SPATS2: variants seen among roughly 807,000 people sequenced by gnomAD.
SPATS2 encodes spermatogenesis-associated serine-rich protein 2.
In SPATS2, 38 loss-of-function variants were observed where a neutral mutation model predicts 63.7. The ratio of observed to expected loss-of-function variants is 0.60; its 90% confidence interval spans 0.46 to 0.78. The LOEUF (loss-of-function observed/expected upper bound fraction) is 0.78. Among genes scored for constraint, SPATS2 ranks in the 30% least tolerant of loss-of-function variants. The pLI, the probability that SPATS2 is intolerant of heterozygous loss-of-function variation, is 0.00. For missense variants in SPATS2, 588 were observed against 666.2 expected (o/e 0.88, Z 1.29); for synonymous variants, 207 against 232.9 (o/e 0.89, Z 1.01).
At chr12:49,525,006 C>A in intron 13 of SPATS2, 110 bp downstream of exon 13, 1 of 1,106,428 alleles carries the variant, frequency 9.0e-7, no homozygotes, top group Non-Finnish European at 1.3e-6. Flanking sequence ...CATTCCATGC[C>A]TGTTTTGAAT....
chr12:49,433,382 C>T (rs1432848109), intron 2 of SPATS2, among the ~76,000 whole-genome samples: 7 of 152,188 alleles, frequency 4.6e-5, no homozygotes, highest in Admixed American at 1.3e-4. Context: ...AGGCTGGTCT[C>T]GAACTCCTGA....
Position 49,516,193 on chromosome 12 carries a change from ATATATAT to A in SPATS2, c.898+1581_898+1587del, listed in dbSNP as rs1565760939. ...TATATATATATATATATATATATAT[ATATATAT>A]ATATATATAAATCAGGCATGGGGTC... On this transcript the variant is annotated intron_variant, in intron 10 of 13. Transcript: ENST00000552918. Among the ~76,000 whole-genome samples the A allele has an allele frequency of 8.6e-4, 92 of 106,638 alleles. 9 individuals carry two copies. Among genetic ancestry groups the A allele is most frequent in the African/African-American group, 3.0e-3 (85 of 28,692 alleles). The allele number at this position is 106,638 out of a possible 152,430, so 70.0% of individuals were successfully genotyped here.
intron 2 of SPATS2, among the ~76,000 whole-genome samples, chr12:49,402,022 G>T (rs1250940378): frequency 1.3e-5 from 2 of 151,936 alleles, no homozygotes; most frequent in Admixed American, 6.6e-5. Flanking sequence ...TGTCGCCCAG[G>T]CTGGAGTGCA....
intron 2 of SPATS2, among the ~76,000 whole-genome samples, chr12:49,443,290 T>G (rs1435449109): frequency 1.3e-5 from 2 of 152,228 alleles, no homozygotes; most frequent in Non-Finnish European, 2.9e-5. Context: ...TATATTCTTT[T>G]GTATGTGGAT....
intron 10 of SPATS2, 34 bp from the exon 11 acceptor site, chr12:49,519,039 C>T (rs1260227761): frequency 6.5e-7 from 1 of 1,544,896 alleles, no homozygotes; most frequent in Non-Finnish European, 8.9e-7. Context: ...TATTTAGCAG[C>T]AACATAAGGT....
chr12:49,407,756 A>G (rs1373062193), intron 2 of SPATS2, among the ~76,000 whole-genome samples: 1 of 152,132 alleles, frequency 6.6e-6, no homozygotes, highest in Non-Finnish European at 1.5e-5. Flanking sequence ...TTTTATTGCT[A>G]TCTCCCCATA....
rs772072681 is a variant in SPATS2 at position 49,524,824 on chromosome 12, A to G, written c.1254A>G (p.Lys418=). The part of the protein sequence containing the change: ...SPPSLTSANK[K]NFAPGETPAA... ...CCAGCCTTACAAGTGCTAACAAGAA[A>G]AACTTTGCACCGGGAGAGACTCCTG... Residue 418 remains lysine, a synonymous_variant, in exon 13 of 14, where the codon AAA becomes AAG. Transcript: ENST00000552918. The G allele has an allele frequency of 3.1e-6, 5 of 1,614,076 alleles. No individual in the cohort carries two copies. In the South Asian group the frequency reaches 4.4e-5, roughly 14 times the overall value.
Position 49,486,153 on chromosome 12 carries a change from C to T in SPATS2, c.105+1484C>T, listed in dbSNP as rs115104337. ...TGTATTTTAAGTTATCAGAATCTTA[C>T]CTTTATCGTAGAGTCTGTAAGTTTG... On this transcript the variant is annotated intron_variant, in intron 4 of 13. Coordinates refer to ENST00000552918, the MANE Select transcript of SPATS2 (RefSeq NM_023071.4). The T allele has an allele frequency of 2.5e-3, 1,111 of 438,592 alleles. 15 individuals carry two copies. The highest frequency in any genetic ancestry group is 0.02 in the African/African-American group (1,006 of 49,246). The allele number at this position is 438,592 out of a possible 1,614,324, so 27.2% of individuals were successfully genotyped here. A position where few individuals can be genotyped will look rare whatever the true frequency, so the allele number is the denominator to read the frequency against.
intron 8 of SPATS2, among the ~76,000 whole-genome samples, chr12:49,499,340 G>C (rs1280243038): frequency 6.6e-6 from 1 of 152,136 alleles, no homozygotes; most frequent in Non-Finnish European, 1.5e-5. Flanking sequence ...TCTGGCTGGT[G>C]TGAGCACAAA....
At position 49,495,005 on chromosome 12, in the gene SPATS2, G is replaced by GC; in HGVS notation, c.526+3_526+4insC. The GC allele has an allele frequency of 6.4e-7, 1 of 1,567,398 alleles. No individual in the cohort carries two copies. Among genetic ancestry groups the GC allele is most frequent in the South Asian group, 1.2e-5 (1 of 84,216 alleles). On this transcript the variant is annotated splice_donor_region_variant and intron_variant, in intron 7 of 13. Transcript: ENST00000552918. ...GCTAGATACGCTGGATAGAACAGGTGAGTTTATTAACAGATTTTGAAAAAG... is the reference window on the plus strand; with the variant it reads ...GCTAGATACGCTGGATAGAACAGGTGCAGTTTATTAACAGATTTTGAAAAAG...
At chr12:49,437,012 AC>A (rs1945318752) in intron 2 of SPATS2, among the ~76,000 whole-genome samples, 1 of 137,886 alleles carries the variant, frequency 7.3e-6, no homozygotes, top group Admixed American at 7.2e-5. Context: ...CGGGGGGCTG[AC>A]CCCCACCTCC....
intron 2 of SPATS2, among the ~76,000 whole-genome samples, chr12:49,372,813 T>G (rs1230221968): frequency 6.6e-6 from 1 of 152,204 alleles, no homozygotes; most frequent in African/African-American, 2.4e-5. Flanking sequence ...TGAAGTCATT[T>G]GGCTCCATTT....
intron 2 of SPATS2, among the ~76,000 whole-genome samples, chr12:49,381,145 T>C (rs771978723): frequency 1.3e-5 from 2 of 152,230 alleles, no homozygotes; most frequent in Non-Finnish European, 2.9e-5. Context: ...TAATGACTAG[T>C]GATGTTGAAC....
intron 6 of SPATS2, among the ~76,000 whole-genome samples, chr12:49,493,866 A>C (rs1946423419): frequency 6.6e-6 from 1 of 152,198 alleles, no homozygotes; most frequent in African/African-American, 2.4e-5. Context: ...TTTTTCATGT[A>C]ATATATCTTG....
rs570546711 is a variant in SPATS2 at position 49,422,261 on chromosome 12, G to T, written c.-243-38509G>T. On this transcript the variant is annotated intron_variant, in intron 2 of 13. Transcript: ENST00000552918. ...CCAGCTCTTTGTTCTTGGGAAACTC[G>T]CAAACCTCAAGTTCTTCAGTTAAAT... 7.9e-5 allele frequency among the ~76,000 whole-genome samples: 12 copies of T among 152,216 alleles called. No homozygotes were observed. In the South Asian group the frequency reaches 2.5e-3, roughly 32 times the overall value.
chr12:49,431,869 A>C (rs1446289031), intron 2 of SPATS2, among the ~76,000 whole-genome samples: 1 of 152,086 alleles, frequency 6.6e-6, no homozygotes, highest in Non-Finnish European at 1.5e-5. Flanking sequence ...CTGTGTTTAC[A>C]AAAAATACAA....
chr12:49,421,416 C>CAAA lies in SPATS2; in HGVS notation c.-243-39329_-243-39327dup, dbSNP rs71080195. 5.6e-4 allele frequency among the ~76,000 whole-genome samples: 29 copies of CAAA among 52,098 alleles called. 1 individual carries two copies. The highest frequency in any genetic ancestry group is 1.3e-3 in the African/African-American group (15 of 11,852). 34.2% of individuals were successfully genotyped at this position (52,098 alleles called of 152,430 possible). A position where few individuals can be genotyped will look rare whatever the true frequency, so the allele number is the denominator to read the frequency against. On this transcript the variant is annotated intron_variant, in intron 2 of 13. Transcript: ENST00000552918. ...TGGGCAACAGAGCAAGACTTTGTCTCAAAAAAAAAAAAAAAAAAAAAAAAA... is the reference window on the plus strand; with the variant it reads ...TGGGCAACAGAGCAAGACTTTGTCTCAAAAAAAAAAAAAAAAAAAAAAAAAAAA...
intron 2 of SPATS2, among the ~76,000 whole-genome samples, chr12:49,400,962 TC>T (rs1454815756): frequency 2.6e-5 from 4 of 152,162 alleles, no homozygotes; most frequent in Admixed American, 1.3e-4. Context: ...TCCTTCAACC[TC>T]CCAGGCTCAA....
chr12:49,453,774 C>T (rs141531471), intron 2 of SPATS2, among the ~76,000 whole-genome samples: 3 of 151,896 alleles, frequency 2.0e-5, no homozygotes, highest in African/African-American at 7.2e-5. Context: ...GATCGTGCCA[C>T]TCCCTGGGCA....
Sources: allele counts gnomAD v4.1 joint callset (sites outside exome capture counted in the v4.1 genomes callset), GRCh38; gene constraint gnomAD v4.1.1; transcripts MANE v1.5; gene names NCBI Gene and HGNC (gene_info 2026-07-23, HGNC 2026-07-21).